VTI1A: variants seen among roughly 807,000 people sequenced by gnomAD.
VTI1A encodes the protein vesicle transport through interaction with t-SNAREs 1A.
In VTI1A, 22 loss-of-function variants were observed where a neutral mutation model predicts 34.9. The ratio of observed to expected loss-of-function variants is 0.63; its 90% CI spans 0.45 to 0.90. The LOEUF is 0.90. Ranked by LOEUF, VTI1A falls within the 40% of genes least tolerant of loss-of-function variation. The probability of loss-of-function intolerance (pLI) is 0.00; values close to 1 mark genes in which losing one functional copy is unlikely to be tolerated. For synonymous variants in VTI1A, 87 were observed against 97.3 expected (o/e 0.89, Z 0.62); for missense variants, 268 against 275.6 (o/e 0.97, Z 0.20).
At chr10:112,728,253 G>A (rs1405348633) in intron 7 of VTI1A, among the ~76,000 whole-genome samples, 1 of 152,120 alleles carries the variant, frequency 6.6e-6, no homozygotes, top group East Asian at 1.9e-4. Context: ...AAGAAAAATT[G>A]AGAATATGTT....
At chr10:112,622,478 T>C (rs1035854798) in intron 5 of VTI1A, among the ~76,000 whole-genome samples, 1 of 145,540 alleles carries the variant, frequency 6.9e-6, no homozygotes, top group South Asian at 2.2e-4. Flanking sequence ...AAAGAAGAGG[T>C]GTAATGGGAT....
intron 3 of VTI1A, among the ~76,000 whole-genome samples, chr10:112,494,335 CTT>C (rs1429830267): frequency 6.6e-6 from 1 of 152,084 alleles, no homozygotes; most frequent in South Asian, 2.1e-4. Context: ...TTAAAAACAA[CTT>C]TTGGTTTCTT....
At chr10:112,485,648 G>A (rs977676738) in intron 3 of VTI1A, among the ~76,000 whole-genome samples, 1 of 152,204 alleles carries the variant, frequency 6.6e-6, no homozygotes, top group African/African-American at 2.4e-5. Flanking sequence ...ATATGCAGAT[G>A]ACATCTTTAG....
chr10:112,607,696 T>G (rs192496461), intron 5 of VTI1A, among the ~76,000 whole-genome samples: 22 of 152,312 alleles, frequency 1.4e-4, no homozygotes, highest in African/African-American at 5.1e-4. Flanking sequence ...TGGTTCTGAC[T>G]CGGTCTCTCG....
At chr10:112,518,363 T>A (rs1285169885) in intron 3 of VTI1A, among the ~76,000 whole-genome samples, 1 of 151,724 alleles carries the variant, frequency 6.6e-6, no homozygotes, top group African/African-American at 2.4e-5. Flanking sequence ...GAAGCTTGGC[T>A]AGGAAGGGAA....
At position 112,674,373 on chromosome 10, in the gene VTI1A, T is replaced by A. The variant is rs529810346; in HGVS notation, c.560+5375T>A. Among the ~76,000 whole-genome samples, 71 of 152,346 alleles carry A rather than the reference T, an allele frequency of 4.7e-4. 1 individual carries two copies. Among genetic ancestry groups the A allele is most frequent in the African/African-American group, 1.7e-3 (70 of 41,592 alleles). On this transcript the variant is annotated intron_variant, in intron 7 of 7. Transcript: ENST00000393077. Reference sequence around the variant, plus strand: ...AGAATAATGCTACAAAGAGAATTTTTAAAAATCTTGGTTCTTTTTGTGTGC... The same window carrying A: ...AGAATAATGCTACAAAGAGAATTTTAAAAAATCTTGGTTCTTTTTGTGTGC...
chr10:112,683,985 G>T (rs1246260352), intron 7 of VTI1A, among the ~76,000 whole-genome samples: 1 of 151,828 alleles, frequency 6.6e-6, no homozygotes, highest in Non-Finnish European at 1.5e-5. Context: ...AGAGGTTGCA[G>T]TGAGCTGAGA....
At chr10:112,736,720 C>A in intron 7 of VTI1A, 1 of 1,551,740 alleles carries the variant, frequency 6.4e-7, no homozygotes, top group Non-Finnish European at 8.7e-7. Context: ...TCACTGTTCA[C>A]AGGGGTTGTT....
At chr10:112,638,312 A>G (rs933831450) in intron 5 of VTI1A, among the ~76,000 whole-genome samples, 2 of 152,250 alleles carry the variant, frequency 1.3e-5, no homozygotes, top group Non-Finnish European at 2.9e-5. Context: ...CAGGGATAAA[A>G]GAGAATGAAA....
chr10:112,642,588 A>C (rs1051063066), intron 5 of VTI1A, among the ~76,000 whole-genome samples: 1 of 151,974 alleles, frequency 6.6e-6, no homozygotes, highest in African/African-American at 2.4e-5. Flanking sequence ...ATATACGTAT[A>C]CACTCATAGT....
chr10:112,523,001 G>A (rs1286448663), intron 3 of VTI1A, among the ~76,000 whole-genome samples: 1 of 151,962 alleles, frequency 6.6e-6, no homozygotes, highest in Non-Finnish European at 1.5e-5. Context: ...GCTAGTTCTG[G>A]GCTGTAGAAT....
chr10:112,482,845 C>A (rs1273384011), intron 3 of VTI1A, among the ~76,000 whole-genome samples: 1 of 152,114 alleles, frequency 6.6e-6, no homozygotes, highest in Non-Finnish European at 1.5e-5. Flanking sequence ...TTAAATTATG[C>A]ATATGCCCAT....
At chr10:112,636,579 A>G (rs1846359421) in intron 5 of VTI1A, among the ~76,000 whole-genome samples, 1 of 151,960 alleles carries the variant, frequency 6.6e-6, no homozygotes, top group Admixed American at 6.6e-5. Context: ...ATATATAAAA[A>G]TTAGCTGGAT....
chr10:112,775,132 C>T (rs1024792166), intron 7 of VTI1A, among the ~76,000 whole-genome samples: 4 of 152,054 alleles, frequency 2.6e-5, no homozygotes, highest in Non-Finnish European at 5.9e-5. Flanking sequence ...CCTCCACTGC[C>T]GAATTTAAAA....
In VTI1A at chr10:112,471,568, G is replaced by A. The variant is rs75472530; in HGVS notation, c.264+6911G>A. ...GCTTTCTGGAGCCAGAATCAGAATC[G>A]AGTAACTAAGCACCCGTTTTAATGT... is the stretch of plus-strand genomic sequence containing the variant. On this transcript the variant is annotated intron_variant, in intron 3 of 7. Coordinates refer to ENST00000393077, the MANE Select transcript of VTI1A (RefSeq NM_145206.4). Among the ~76,000 whole-genome samples, 805 of 151,934 alleles carry A rather than the reference G, an allele frequency of 5.3e-3. 7 individuals carry two copies. The highest frequency in any genetic ancestry group is 0.018 in the African/African-American group (755 of 41,428).
chr10:112,804,860 T>C (rs1853013752), intron 7 of VTI1A, among the ~76,000 whole-genome samples: 1 of 131,250 alleles, frequency 7.6e-6, no homozygotes, highest in East Asian at 2.2e-4. Context: ...GATTTTTTTT[T>C]TTTTTTTTTT....
intron 1 of VTI1A, among the ~76,000 whole-genome samples, chr10:112,459,618 G>A (rs530294746): frequency 6.6e-6 from 1 of 152,290 alleles, no homozygotes; most frequent in African/African-American, 2.4e-5. Context: ...AGGGGCTGTT[G>A]CCTGAGAAGA....
intron 5 of VTI1A, among the ~76,000 whole-genome samples, chr10:112,635,047 G>A (rs1404209021): frequency 1.3e-5 from 2 of 152,170 alleles, no homozygotes; most frequent in African/African-American, 2.4e-5. Context: ...GACATTTGCC[G>A]GAGTTTTCAC....
At chr10:112,603,245 T>C (rs1045214026) in intron 5 of VTI1A, among the ~76,000 whole-genome samples, 1 of 152,206 alleles carries the variant, frequency 6.6e-6, no homozygotes, top group Non-Finnish European at 1.5e-5. Flanking sequence ...CAAATGAAGT[T>C]GGACATTGCT....
Sources: gnomAD v4.1 joint callset for allele counts (sites outside exome capture counted in the v4.1 genomes callset) on GRCh38, gnomAD v4.1.1 for gene constraint, MANE v1.5 for transcripts, NCBI Gene and HGNC (gene_info 2026-07-23, HGNC 2026-07-21) for gene names.